STX18: variants seen among roughly 807,000 people sequenced by gnomAD.
STX18 encodes the protein syntaxin-18.
In STX18, 40 loss-of-function variants were observed where a neutral mutation model predicts 50.1. The observed-to-expected ratio is 0.80, with a 90% CI of 0.62 to 1.04. The LOEUF (loss-of-function observed/expected upper bound fraction) is 1.04. Ranked by LOEUF, STX18 falls within the 50% of genes least tolerant of loss-of-function variation. The pLI is 0.00. For missense variants in STX18, 410 were observed against 415.8 expected, an observed-to-expected ratio of 0.99 and a Z score of 0.12; for synonymous variants, 158 against 151.8, an observed-to-expected ratio of 1.04 and a Z score of -0.30.
chr4:4,472,340 A>G (rs1445683485), intron 1 of STX18, among the ~76,000 whole-genome samples: 1 of 152,246 alleles, frequency 6.6e-6, no homozygotes, highest in Non-Finnish European at 1.5e-5. Context: ...TGGAACTAGC[A>G]ATTCACAAAT....
At chr4:4,459,278 G>C (rs1197471047) in intron 3 of STX18, 94 bp downstream of exon 3, 4 of 859,056 alleles carry the variant, frequency 4.7e-6, no homozygotes, top group African/African-American at 3.4e-5. Flanking sequence ...ATCGAAATAA[G>C]AAGAGGGAAT....
At chr4:4,433,813 C>G (rs1725642788) in intron 7 of STX18, among the ~76,000 whole-genome samples, 1 of 152,176 alleles carries the variant, frequency 6.6e-6, no homozygotes, top group African/African-American at 2.4e-5. Flanking sequence ...AAGCTCAAGG[C>G]TGGGGAAAGA....
intron 3 of STX18, among the ~76,000 whole-genome samples, chr4:4,457,856 C>T (rs1442646911): frequency 6.6e-6 from 1 of 152,198 alleles, no homozygotes; most frequent in Non-Finnish European, 1.5e-5. Flanking sequence ...ATCACACACT[C>T]CTCCCTGCTT....
chr4:4,517,782 ATT>A (rs200828811), intron 1 of STX18, among the ~76,000 whole-genome samples: 1 of 140,206 alleles, frequency 7.1e-6, no homozygotes, highest in Admixed American at 7.1e-5. Context: ...TTTTTTCTTT[ATT>A]TTTTTTTTTT....
chr4:4,458,022 G>A (rs182782520), intron 3 of STX18, among the ~76,000 whole-genome samples: 1 of 152,278 alleles, frequency 6.6e-6, no homozygotes, highest in Non-Finnish European at 1.5e-5. Flanking sequence ...CTACCACACA[G>A]AAGTGTGCTA....
Position 4,467,517 on chromosome 4 carries a change from C to G in STX18, c.236+4122G>C, listed in dbSNP as rs144702139. On this transcript the variant is annotated intron_variant, in intron 2 of 10. Transcript: ENST00000306200. ...GTAGGTGGTAAGAATGTGTGGTGGG[C>G]AAGGGCAAGGATTCCATGGCCAGCC... is the stretch of plus-strand genomic sequence containing the variant. 8.0e-3 allele frequency among the ~76,000 whole-genome samples: 1,224 copies of G among 152,238 alleles called. 16 individuals are homozygous for G. Among genetic ancestry groups the G allele is most frequent in the African/African-American group, 0.027 (1,110 of 41,524 alleles).
intron 9 of STX18, among the ~76,000 whole-genome samples, chr4:4,421,181 T>TTTA (rs1724939749): frequency 6.6e-6 from 1 of 152,182 alleles, no homozygotes; most frequent in Non-Finnish European, 1.5e-5. Flanking sequence ...GGCTAACGGC[T>TTTA]TTACTTGCAT....
At chr4:4,447,355 C>T (rs1314855350) in intron 5 of STX18, among the ~76,000 whole-genome samples, 2 of 151,098 alleles carry the variant, frequency 1.3e-5, no homozygotes, top group Non-Finnish European at 3.0e-5. Context: ...TTTGCGAGGC[C>T]GAGGCGGGCG....
chr4:4,541,435 C>A (rs1350617544), intron 1 of STX18, among the ~76,000 whole-genome samples: 1 of 152,156 alleles, frequency 6.6e-6, no homozygotes, highest in Non-Finnish European at 1.5e-5. Flanking sequence ...AGTGCTGCAA[C>A]AGGAAGCGAA....
intron 6 of STX18, 44 bp downstream of exon 6, chr4:4,438,350 C>A: frequency 1.4e-6 from 2 of 1,456,056 alleles, no homozygotes; most frequent in South Asian, 2.3e-5. Context: ...GCCAACATGT[C>A]ACAAGGAAGA....
chr4:4,520,218 T>C (rs1730449485), intron 1 of STX18, among the ~76,000 whole-genome samples: 2 of 152,194 alleles, frequency 1.3e-5, no homozygotes, highest in Admixed American at 1.3e-4. Flanking sequence ...TGAAATTAAA[T>C]AGTATTTTTG....
In STX18 at chr4:4,471,620, T is replaced by G. The variant is rs780927116; in HGVS notation, c.236+19A>C. 3.6e-5 allele frequency: 55 copies of G among 1,513,030 alleles called. No individual in the cohort carries two copies. The highest frequency in any genetic ancestry group is 4.8e-5 in the Non-Finnish European group (54 of 1,127,300). The allele number at this position is 1,513,030 out of a possible 1,614,324, so 93.7% of individuals were successfully genotyped here. ...AAGAACACAGTCACCAAAGTCCTGG[T>G]AAAAAAATATGTACTTACCTATAAG... On this transcript the variant is annotated intron_variant, in intron 2 of 10. Transcript: ENST00000306200.
In STX18 at chr4:4,451,485, G is replaced by A. The variant is rs532428137; in HGVS notation, c.497+5706C>T. Among the ~76,000 whole-genome samples, 4 of 152,272 alleles carry A rather than the reference G, an allele frequency of 2.6e-5. No homozygotes were observed. The South Asian group carries it at 8.3e-4, about 32-fold the overall frequency. Reference sequence around the variant, plus strand: ...TTTTTGTTTGTTTTTACAAATGGAGGGTATGTGGCAACACTGCATGGAGTA... The same window carrying A: ...TTTTTGTTTGTTTTTACAAATGGAGAGTATGTGGCAACACTGCATGGAGTA... On this transcript the variant is annotated intron_variant, in intron 5 of 10. Transcript: ENST00000306200.
At chr4:4,499,841 G>A (rs1729352378) in intron 1 of STX18, among the ~76,000 whole-genome samples, 1 of 151,336 alleles carries the variant, frequency 6.6e-6, no homozygotes, top group African/African-American at 2.4e-5. Context: ...GTTCAGTGGG[G>A]GGAAATGGCT....
At chr4:4,541,688 C>T in intron 1 of STX18, 109 bp downstream of exon 1, 2 of 1,294,774 alleles carry the variant, frequency 1.5e-6, no homozygotes, top group Non-Finnish European at 2.1e-6. Flanking sequence ...CCCCTTAGAG[C>T]CACCCCCTTC....
At position 4,451,778 on chromosome 4, in the gene STX18, G is replaced by A. The variant is rs142966176; in HGVS notation, c.497+5413C>T. 5.3e-5 allele frequency among the ~76,000 whole-genome samples: 8 copies of A among 152,190 alleles called. No homozygotes were observed. The East Asian group carries it at 1.4e-3, about 26-fold the overall frequency. The stretch of plus-strand genomic sequence containing the variant: ...TCCTCTCTCTCCCTCTCCTCGGGCC[G>A]TCCTATTCCTAGAGACATAACACAG... On this transcript the variant is annotated intron_variant, in intron 5 of 10. Transcript: ENST00000306200.
chr4:4,509,598 T>C (rs1729903311), intron 1 of STX18, among the ~76,000 whole-genome samples: 1 of 152,154 alleles, frequency 6.6e-6, no homozygotes, highest in Admixed American at 6.5e-5. Flanking sequence ...AGCCATATTT[T>C]AGACAAATAA....
chr4:4,471,746 G>A, intron 1 of STX18, 40 bp from the exon 2 acceptor site: 1 of 1,348,870 alleles, frequency 7.4e-7, no homozygotes, highest in Non-Finnish European at 1.0e-6. Context: ...ATATAGATAT[G>A]TTACACTCAT....
rs184591761 is a variant in STX18, at chr4:4,529,128, C to G, written c.168+12669G>C. ...CCTGTAATCCCAGCACTTTCGGAGG[C>G]TGAGACGGGCGGATCACGAGGTCAG... On this transcript the variant is annotated intron_variant, in intron 1 of 10. Coordinates refer to ENST00000306200, the MANE Select transcript of STX18 (RefSeq NM_016930.4). Among the ~76,000 whole-genome samples, 492 of 152,264 alleles carry G rather than the reference C, an allele frequency of 3.2e-3. 1 individual carries two copies. The highest frequency in any genetic ancestry group is 0.012 in the African/African-American group (478 of 41,554).
Sources: gnomAD v4.1 joint callset for allele counts (sites outside exome capture counted in the v4.1 genomes callset) on GRCh38, gnomAD v4.1.1 for gene constraint, MANE v1.5 for transcripts, NCBI Gene and HGNC (gene_info 2026-07-23, HGNC 2026-07-21) for gene names.